KAZN: variants seen among roughly 807,000 people sequenced by gnomAD.
KAZN encodes kazrin, periplakin interacting protein, also known as kazrin.
A neutral mutation model predicts 87.4 loss-of-function variants in KAZN; 40 were observed. The observed-to-expected ratio is 0.46, with a 90% CI of 0.36 to 0.60. The LOEUF is 0.60. KAZN is among the 20% of genes least tolerant of loss of function. The pLI is 0.00. For missense variants in KAZN, 898 were observed against 1,073.9 expected (o/e 0.84, Z 2.29); for synonymous variants, 466 against 458.3 (o/e 1.02, Z -0.22).
At chr1:15,000,722 G>T (rs1668377415) in intron 2 of KAZN, among the ~76,000 whole-genome samples, 1 of 152,094 alleles carries the variant, frequency 6.6e-6, no homozygotes, top group South Asian at 2.1e-4. Context: ...TATATTGTTT[G>T]TTTCTCTGCT....
intron 2 of KAZN, among the ~76,000 whole-genome samples, chr1:14,393,842 CA>C (rs35205129): frequency 0.13 from 11,630 of 86,870 alleles, 450 homozygotes; most frequent in East Asian, 0.22. Flanking sequence ...GACCCAATCT[CA>C]AAAAAAAAAA....
chr1:14,611,688 C>CAA (rs34013908), intron 1 of KAZN, among the ~76,000 whole-genome samples: 114 of 119,700 alleles, frequency 9.5e-4, no homozygotes, highest in East Asian at 2.4e-3. Context: ...CACCCTGTCT[C>CAA]AAAAAAAAAA....
chr1:14,507,823 C>T (rs888552658), intron 2 of KAZN, among the ~76,000 whole-genome samples: 3 of 151,844 alleles, frequency 2.0e-5, no homozygotes, highest in South Asian at 2.1e-4. Flanking sequence ...AAAAATTAGT[C>T]GGGCACGGTG....
At chr1:14,208,535 C>T (rs1037814473) in intron 2 of KAZN, among the ~76,000 whole-genome samples, 2 of 152,132 alleles carry the variant, frequency 1.3e-5, no homozygotes, top group Non-Finnish European at 2.9e-5. Context: ...ACAGAGTTGA[C>T]AGTTGGGTGG....
Position 14,769,642 on chromosome 1 carries a change from C to A in KAZN, c.226+170419C>A, listed in dbSNP as rs1321119156. Among the ~76,000 whole-genome samples, 1 of 152,218 alleles carries A rather than the reference C, an allele frequency of 6.6e-6. No homozygotes were observed. Among genetic ancestry groups the A allele is most frequent in the African/African-American group, 2.4e-5 (1 of 41,456 alleles). On this transcript the variant is annotated intron_variant, in intron 1 of 14. Coordinates refer to ENST00000376030, the MANE Select transcript of KAZN (RefSeq NM_201628.3). The surrounding 1 kb of genome is among the most constrained non-coding windows in gnomAD (Gnocchi z 4.1). ...GTCCTGGGATTACAGGCGTGAGCCA[C>A]CGTGCCCGGCCTGCCCTTCCAGGTC...
chr1:14,490,338 T>C (rs1669579577), intron 2 of KAZN, among the ~76,000 whole-genome samples: 2 of 152,234 alleles, frequency 1.3e-5, no homozygotes, highest in East Asian at 1.9e-4. Flanking sequence ...GTGTTTGCTT[T>C]TTGAGAGACA....
intron 13 of KAZN, among the ~76,000 whole-genome samples, chr1:15,106,578 T>C (rs1175058762): frequency 6.6e-6 from 1 of 152,124 alleles, no homozygotes; most frequent in Admixed American, 6.5e-5. Context: ...TGGGTTCTTA[T>C]GTTGTGGTGG....
At chr1:13,984,039 T>A (rs1381496913) in intron 1 of KAZN, among the ~76,000 whole-genome samples, 1 of 151,856 alleles carries the variant, frequency 6.6e-6, no homozygotes, top group Non-Finnish European at 1.5e-5. Context: ...TGAGATGGAG[T>A]CTCGCTGTGT....
chr1:15,095,865 C>T (rs1042608462), intron 10 of KAZN, among the ~76,000 whole-genome samples: 7 of 152,146 alleles, frequency 4.6e-5, no homozygotes, highest in South Asian at 2.1e-4. Context: ...GAGGGGCCCT[C>T]GGCATGACTC....
intron 10 of KAZN, among the ~76,000 whole-genome samples, chr1:15,100,802 G>A (rs1033637065): frequency 8.5e-5 from 13 of 152,344 alleles, no homozygotes; most frequent in Non-Finnish European, 1.6e-4. Context: ...TCTGCAGAGC[G>A]AGGACGGCAG....
chr1:13,969,905 C>T (rs893032622), intron 1 of KAZN, among the ~76,000 whole-genome samples: 1 of 152,188 alleles, frequency 6.6e-6, no homozygotes, highest in Non-Finnish European at 1.5e-5. Flanking sequence ...GATTCTTAAA[C>T]TGATTCTGTG....
chr1:14,222,870 A>G (rs1647136751), intron 2 of KAZN, among the ~76,000 whole-genome samples: 1 of 152,184 alleles, frequency 6.6e-6, no homozygotes, highest in Non-Finnish European at 1.5e-5. Flanking sequence ...TAATTTTAAA[A>G]CTTAGTATTT....
intron 1 of KAZN, among the ~76,000 whole-genome samples, chr1:14,873,042 GAATC>G (rs1387990817): frequency 1.3e-5 from 2 of 150,498 alleles, no homozygotes; most frequent in African/African-American, 4.9e-5. Context: ...ATAGATAGAT[GAATC>G]GGTGGGTGGA....
intron 1 of KAZN, among the ~76,000 whole-genome samples, chr1:14,153,199 G>C (rs550276645): frequency 6.6e-6 from 1 of 152,206 alleles, no homozygotes; most frequent in Middle Eastern, 3.4e-3. Context: ...TTTTTAATTT[G>C]ATGTGTTCAC....
intron 2 of KAZN, among the ~76,000 whole-genome samples, chr1:15,024,222 C>T (rs939173723): frequency 6.6e-6 from 1 of 152,122 alleles, no homozygotes; most frequent in Non-Finnish European, 1.5e-5. Flanking sequence ...ACCAGGAACA[C>T]GGGCCCTGGA....
intron 2 of KAZN, among the ~76,000 whole-genome samples, chr1:14,264,514 A>T (rs1050035489): frequency 1.1e-4 from 16 of 152,260 alleles, no homozygotes; most frequent in African/African-American, 3.6e-4. Context: ...TTATCAACAG[A>T]GTGTGTTCTT....
At chr1:14,649,465 G>A (rs571206674) in intron 1 of KAZN, among the ~76,000 whole-genome samples, 28 of 152,140 alleles carry the variant, frequency 1.8e-4, no homozygotes, top group East Asian at 3.9e-4. Context: ...AATGGCTAAC[G>A]GTTCACGTTA....
At chr1:14,920,687 C>G (rs1450027146) in intron 1 of KAZN, among the ~76,000 whole-genome samples, 1 of 152,164 alleles carries the variant, frequency 6.6e-6, no homozygotes, top group Non-Finnish European at 1.5e-5. Flanking sequence ...AAGGCAACAA[C>G]AGTGGAGCAT....
intron 1 of KAZN, among the ~76,000 whole-genome samples, chr1:14,078,627 G>A (rs1036195120): frequency 5.3e-5 from 8 of 152,142 alleles, no homozygotes; most frequent in South Asian, 2.1e-4. Flanking sequence ...GTTCATAGAC[G>A]GCGCCTTCTC....
Sources: allele counts gnomAD v4.1 joint callset (sites outside exome capture counted in the v4.1 genomes callset), GRCh38; gene constraint gnomAD v4.1.1; non-coding constraint Gnocchi (gnomAD v3.1); transcripts MANE v1.5; gene names NCBI Gene and HGNC (gene_info 2026-07-23, HGNC 2026-07-21).